NRG1: variants seen among roughly 807,000 people sequenced by gnomAD.
The protein encoded by NRG1 is neuregulin 1, also known as pro-neuregulin-1, membrane-bound isoform.
Under a neutral mutation model 63.8 loss-of-function variants are expected in NRG1, and 18 were observed. The observed-to-expected ratio is 0.28, with a 90% confidence interval of 0.19 to 0.42. The LOEUF (loss-of-function observed/expected upper bound fraction) is 0.42, where lower values mean the gene tolerates loss of function less well. Among genes scored for constraint, NRG1 ranks in the 10% least tolerant of loss-of-function variants. NRG1 has a pLI of 1.00. For synonymous variants in NRG1, 302 were observed against 301.3 expected, an observed-to-expected ratio of 1.00 and a Z score of -0.02; for missense variants, 762 against 814.7, an observed-to-expected ratio of 0.94 and a Z score of 0.79.
At chr8:32,295,425 A>G (rs540857160) in intron 1 of NRG1, among the ~76,000 whole-genome samples, 23 of 152,270 alleles carry the variant, frequency 1.5e-4, no homozygotes, top group African/African-American at 5.3e-4. Flanking sequence ...CTTTACAATA[A>G]TCTCTACTAC....
chr8:31,685,691 A>G (rs1053447805), intron 1 of NRG1, among the ~76,000 whole-genome samples: 4 of 152,170 alleles, frequency 2.6e-5, no homozygotes, highest in African/African-American at 4.8e-5. Flanking sequence ...CTAGGCAACT[A>G]CTTACGTACT....
intron 4 of NRG1, among the ~76,000 whole-genome samples, chr8:32,615,027 A>G (rs576705005): frequency 7.9e-6 from 1 of 127,026 alleles, no homozygotes; most frequent in Non-Finnish European, 1.6e-5. Flanking sequence ...GAACAGAACA[A>G]AACAAAACAA....
chr8:32,382,702 A>G (rs1004873412), intron 1 of NRG1, among the ~76,000 whole-genome samples: 59 of 152,118 alleles, frequency 3.9e-4, no homozygotes, highest in Middle Eastern at 3.2e-3. Context: ...CTGAAAACCT[A>G]TATCAGTAAA....
intron 1 of NRG1, among the ~76,000 whole-genome samples, chr8:32,468,627 G>C (rs1823368372): frequency 1.3e-5 from 2 of 151,372 alleles, no homozygotes; most frequent in South Asian, 4.2e-4. Context: ...CAACTTTTCT[G>C]TTCTCCACTT....
In NRG1 at chr8:32,416,032, G is replaced by A. The variant is rs577042232; in HGVS notation, c.38-179796G>A. On this transcript the variant is annotated intron_variant, in intron 1 of 10. Coordinates refer to the NRG1 transcript ENST00000519301. The stretch of plus-strand genomic sequence containing the variant: ...ACTTTCGTGAGTAAGTTGCTAAAGC[G>A]TCAGTAAAACATCATGGTGAGGCCT... Among the ~76,000 whole-genome samples the A allele has an allele frequency of 3.5e-4, 53 of 152,292 alleles. 1 individual carries two copies. Among genetic ancestry groups the A allele is most frequent in the African/African-American group, 1.2e-3 (50 of 41,570 alleles).
intron 5 of NRG1, among the ~76,000 whole-genome samples, chr8:32,692,057 T>G (rs1178224723): frequency 6.6e-6 from 1 of 152,222 alleles, no homozygotes; most frequent in Non-Finnish European, 1.5e-5. Context: ...TCTTCTTACT[T>G]TATTTCCATA....
intron 1 of NRG1, among the ~76,000 whole-genome samples, chr8:31,929,903 G>C (rs1680164): frequency 0.9 from 136,889 of 152,258 alleles, 62,331 homozygotes; most frequent in African/African-American, 0.97. Context: ...ACCCAAGCCT[G>C]TCTTTTGACC....
At chr8:32,202,043 A>T (rs1456969223) in intron 1 of NRG1, among the ~76,000 whole-genome samples, 1 of 152,150 alleles carries the variant, frequency 6.6e-6, no homozygotes, top group Non-Finnish European at 1.5e-5. Context: ...TTGAGTGTTA[A>T]TTTCTCATGG....
intron 1 of NRG1, among the ~76,000 whole-genome samples, chr8:31,920,137 T>G (rs1398414857): frequency 6.6e-6 from 1 of 152,122 alleles, no homozygotes; most frequent in Non-Finnish European, 1.5e-5. Flanking sequence ...GGAACATTGT[T>G]GAGGTGGCAT....
At chr8:32,323,084 C>T (rs10104545) in intron 1 of NRG1, among the ~76,000 whole-genome samples, 14,524 of 151,854 alleles carry the variant, frequency 0.096, 944 homozygotes, top group African/African-American at 0.18. Context: ...GAAATATGCT[C>T]GGTTTTACAC....
At chr8:32,659,231 A>G (rs1486128668) in intron 5 of NRG1, among the ~76,000 whole-genome samples, 2 of 142,044 alleles carry the variant, frequency 1.4e-5, no homozygotes, top group Non-Finnish European at 3.0e-5. Flanking sequence ...CGCAACCTCC[A>G]CCTCCTGGGT....
chr8:32,123,542 G>A (rs1833732025), intron 1 of NRG1, among the ~76,000 whole-genome samples: 1 of 150,888 alleles, frequency 6.6e-6, no homozygotes, highest in Non-Finnish European at 1.5e-5. Context: ...CGTGAGAACA[G>A]ACTATAACAG....
At chr8:32,366,455 T>C (rs1243644377) in intron 1 of NRG1, among the ~76,000 whole-genome samples, 2 of 152,000 alleles carry the variant, frequency 1.3e-5, no homozygotes, top group Non-Finnish European at 2.9e-5. Context: ...ATATTTTGTC[T>C]TTCTGTGCCT....
At chr8:31,716,673 T>C (rs1324470730) in intron 1 of NRG1, among the ~76,000 whole-genome samples, 1 of 152,244 alleles carries the variant, frequency 6.6e-6, no homozygotes, top group Non-Finnish European at 1.5e-5. Flanking sequence ...AGCTTTTTTC[T>C]CTGTATTTTT....
chr8:32,232,804 A>C (rs1238169007), intron 1 of NRG1, among the ~76,000 whole-genome samples: 1 of 152,132 alleles, frequency 6.6e-6, no homozygotes, highest in Non-Finnish European at 1.5e-5. Flanking sequence ...CCCTTACATA[A>C]AAACCTCCAT....
chr8:32,671,386 G>A (rs181529679), intron 5 of NRG1, among the ~76,000 whole-genome samples: 53 of 152,110 alleles, frequency 3.5e-4, no homozygotes, highest in Admixed American at 5.9e-4. Flanking sequence ...TTTGTTCCAG[G>A]TATCTCACAT....
At chr8:32,686,336 A>C (rs994731795) in intron 5 of NRG1, among the ~76,000 whole-genome samples, 1 of 152,224 alleles carries the variant, frequency 6.6e-6, no homozygotes, top group Admixed American at 6.5e-5. Context: ...CGAGAAAAGG[A>C]AATGGAAATA....
At chr8:31,813,151 T>C (rs1173461490) in intron 1 of NRG1, among the ~76,000 whole-genome samples, 1 of 152,252 alleles carries the variant, frequency 6.6e-6, no homozygotes, top group African/African-American at 2.4e-5. Context: ...AAATTGTTAG[T>C]ATTATACCTT....
intron 1 of NRG1, among the ~76,000 whole-genome samples, chr8:32,580,573 C>T (rs1840456146): frequency 2.6e-5 from 4 of 152,144 alleles, no homozygotes. Flanking sequence ...ATTTCATTTA[C>T]ATTTTAGAAA....
Sources: allele counts gnomAD v4.1 joint callset (sites outside exome capture counted in the v4.1 genomes callset), GRCh38; gene constraint gnomAD v4.1.1; transcripts MANE v1.5; gene names NCBI Gene and HGNC (gene_info 2026-07-23, HGNC 2026-07-21).